Variants in ANKRD26 observed in about 807,000 individuals in gnomAD.
ANKRD26 encodes the protein ankyrin repeat domain-containing protein 26.
In ANKRD26, 141 loss-of-function variants were observed where a neutral mutation model predicts 208.7. The observed-to-expected ratio is 0.68, with a 90% CI of 0.59 to 0.78. The LOEUF (loss-of-function observed/expected upper bound fraction) is 0.78, where lower values mean the gene tolerates loss of function less well. Among genes scored for constraint, ANKRD26 ranks in the 30% least tolerant of loss-of-function variants. The pLI is 0.00. For synonymous variants in ANKRD26, 636 were observed against 660.4 expected (o/e 0.96, Z 0.57); for missense variants, 1,889 against 1,938.7 (o/e 0.97, Z 0.48).
chr10:27,023,446 A>C (rs762500491), intron 28 of ANKRD26, among the ~76,000 whole-genome samples: 2 of 151,668 alleles, frequency 1.3e-5, no homozygotes, highest in African/African-American at 2.4e-5. Context: ...GAAGAAAAGT[A>C]CAAAAAAAAA....
At chr10:26,971,705 G>T (rs7477338), downstream of ANKRD26, among the ~76,000 whole-genome samples, 1,476 of 138,322 alleles carry the variant, frequency 0.011, 12 homozygotes, top group South Asian at 0.02. Flanking sequence ...AAAACATAAA[G>T]AATTTCATTA....
chr10:27,040,690 G>C (rs920295657), intron 20 of ANKRD26, among the ~76,000 whole-genome samples: 1 of 152,162 alleles, frequency 6.6e-6, no homozygotes, highest in Admixed American at 6.5e-5. Context: ...CGAGTTTCAA[G>C]AGAGTGGACT....
chr10:27,048,112 G>T (rs762971114), intron 17 of ANKRD26, among the ~76,000 whole-genome samples: 3 of 152,050 alleles, frequency 2.0e-5, no homozygotes, highest in Non-Finnish European at 2.9e-5. Flanking sequence ...AATTTACAGA[G>T]ACTGAAATTT....
At chr10:27,080,538 G>C (rs2055870200) in intron 6 of ANKRD26, 3 of 749,446 alleles carry the variant, frequency 4.0e-6, no homozygotes, top group South Asian at 1.2e-4. Context: ...AATCTTTACA[G>C]GCACTCAGAT....
chr10:27,057,579 C>T (rs2054881537), intron 15 of ANKRD26, among the ~76,000 whole-genome samples: 1 of 152,184 alleles, frequency 6.6e-6, no homozygotes, highest in African/African-American at 2.4e-5. Flanking sequence ...GCTCTTTCCT[C>T]AACGTACCAC....
In ANKRD26 at chr10:27,091,661, C is replaced by T. The variant is rs1302564545; in HGVS notation, c.638+745G>A. Among the ~76,000 whole-genome samples the T allele has an allele frequency of 3.9e-5, 6 of 152,196 alleles. No individual in the cohort carries two copies. The East Asian group carries it at 1.2e-3, about 29-fold the overall frequency. On this transcript the variant is annotated intron_variant, in intron 4 of 33. Coordinates refer to ENST00000376087, the MANE Select transcript of ANKRD26 (RefSeq NM_014915.3). ...AAAAGTACATAAGCAGAGGTTAGAACAATACCATAAAAGGGTGAAGAAGTT... is the reference window on the plus strand; with the variant it reads ...AAAAGTACATAAGCAGAGGTTAGAATAATACCATAAAAGGGTGAAGAAGTT...
chr10:26,988,895 ATGT>A (rs2052437327), downstream of ANKRD26, among the ~76,000 whole-genome samples: 1 of 151,062 alleles, frequency 6.6e-6, no homozygotes, highest in Non-Finnish European at 1.5e-5. Context: ...AAAAAAAAAA[ATGT>A]ATCTTCTCCT....
intron 5 of ANKRD26, among the ~76,000 whole-genome samples, chr10:26,976,272 T>G (rs1273745406): frequency 2.0e-5 from 3 of 152,036 alleles, no homozygotes; most frequent in African/African-American, 4.8e-5. Flanking sequence ...TAGAGTGCAG[T>G]GGGGTGATCT....
downstream of ANKRD26, among the ~76,000 whole-genome samples, chr10:26,990,656 G>A (rs1339055234): frequency 7.9e-5 from 12 of 152,144 alleles, no homozygotes; most frequent in Admixed American, 7.9e-4. Flanking sequence ...CATGATCTCA[G>A]ACACATGAGA....
At chr10:27,063,487 A>C (rs2055136850) in intron 12 of ANKRD26, among the ~76,000 whole-genome samples, 1 of 151,612 alleles carries the variant, frequency 6.6e-6, no homozygotes, top group African/African-American at 2.4e-5. Flanking sequence ...CACCCAGCTA[A>C]TTTTTGTATT....
At chr10:26,984,125 T>G (rs1450447187) in intron 3 of ANKRD26, among the ~76,000 whole-genome samples, 1 of 152,188 alleles carries the variant, frequency 6.6e-6, no homozygotes, top group African/African-American at 2.4e-5. Context: ...GAGATTCACT[T>G]TAACTACTGC....
intron 4 of ANKRD26, among the ~76,000 whole-genome samples, chr10:27,090,283 T>C (rs142903171): frequency 6.6e-6 from 1 of 152,020 alleles, no homozygotes; most frequent in African/African-American, 2.4e-5. Flanking sequence ...CCATCTCTAC[T>C]AAAAATACAA....
At chr10:27,049,069 TTAAC>T in intron 16 of ANKRD26, 90 bp from the exon 17 acceptor site, 1 of 1,127,172 alleles carries the variant, frequency 8.9e-7, no homozygotes, top group East Asian at 2.6e-5. Flanking sequence ...TTGACTCAGT[TTAAC>T]TATGGTAACT....
intron 12 of ANKRD26, chr10:27,062,302 C>T (rs1427499971): frequency 1.3e-6 from 1 of 756,024 alleles, no homozygotes; most frequent in Non-Finnish European, 1.6e-6. Context: ...AAAAATAATG[C>T]TTTATTCTGA....
chr10:27,020,017 G>T (rs1434639565), intron 29 of ANKRD26, among the ~76,000 whole-genome samples: 1 of 152,206 alleles, frequency 6.6e-6, no homozygotes, highest in Non-Finnish European at 1.5e-5. Context: ...TCGGGGCTGG[G>T]TTCCAACGGC....
At chr10:27,093,646 C>G (rs749554586) in intron 2 of ANKRD26, 39 bp downstream of exon 2, 26 of 1,601,170 alleles carry the variant, frequency 1.6e-5, no homozygotes, top group Non-Finnish European at 1.9e-5. Flanking sequence ...GTATTTAAGT[C>G]AAATCCATCT....
At chr10:27,030,663 T>TG in intron 25 of ANKRD26, 1 of 907,792 alleles carries the variant, frequency 1.1e-6, no homozygotes, top group Non-Finnish European at 1.3e-6. Context: ...AGCATTTGAT[T>TG]GAATAACTTT....
At chr10:26,966,247 C>A in the ANKRD26 span, among the ~76,000 whole-genome samples, 64,809 of 151,974 alleles carry the variant, frequency 0.43, 16,502 homozygotes, top group Non-Finnish European at 0.54. Context: ...GCCCTCAATG[C>A]TACAAAGGAT....
At chr10:27,086,760 A>AT in intron 4 of ANKRD26, 151 bp from the exon 5 acceptor site, 2 of 693,330 alleles carry the variant, frequency 2.9e-6, no homozygotes, top group Non-Finnish European at 2.0e-6. Flanking sequence ...AGCTCTACAA[A>AT]CTTTTTTGTT....
Sources: gnomAD v4.1 joint callset for allele counts (sites outside exome capture counted in the v4.1 genomes callset) on GRCh38, gnomAD v4.1.1 for gene constraint, MANE v1.5 for transcripts, NCBI Gene and HGNC (gene_info 2026-07-23, HGNC 2026-07-21) for gene names.